The following CACNA2D3 variants were observed in gnomAD, a reference collection of about 807,000 sequenced individuals.
CACNA2D3 encodes the protein calcium voltage-gated channel auxiliary subunit alpha2delta 3, also known as voltage-dependent calcium channel subunit alpha-2/delta-3.
Under a neutral mutation model 160.6 loss-of-function variants are expected in CACNA2D3, and 60 were observed. The ratio of observed to expected loss-of-function variants is 0.37; its 90% confidence interval spans 0.30 to 0.46. The LOEUF is 0.46. Ranked by LOEUF, CACNA2D3 falls within the 20% of genes least tolerant of loss-of-function variation. The pLI, the probability that CACNA2D3 is intolerant of heterozygous loss-of-function variation, is 1.00. For missense variants in CACNA2D3, 1,205 were observed against 1,365.0 expected (o/e 0.88, Z 1.85); for synonymous variants, 558 against 492.9 (o/e 1.13, Z -1.75).
intron 11 of CACNA2D3, among the ~76,000 whole-genome samples, chr3:54,682,161 GCACACACACA>G (rs138753206): frequency 9.0e-5 from 13 of 144,668 alleles, no homozygotes; most frequent in East Asian, 4.1e-4. Flanking sequence ...AAACAGAACA[GCACACACACA>G]CACACACACA....
At chr3:54,627,578 A>G (rs565806072) in intron 9 of CACNA2D3, among the ~76,000 whole-genome samples, 1 of 152,234 alleles carries the variant, frequency 6.6e-6, no homozygotes, top group Non-Finnish European at 1.5e-5. Flanking sequence ...TTTTCTTCCT[A>G]AACTGTAACT....
At chr3:54,656,906 G>A (rs940917400) in intron 11 of CACNA2D3, among the ~76,000 whole-genome samples, 4 of 152,110 alleles carry the variant, frequency 2.6e-5, no homozygotes, top group African/African-American at 9.7e-5. Context: ...AGTTTCATGC[G>A]CGTCCGTGTG....
chr3:54,579,914 T>G (rs758016664), intron 8 of CACNA2D3, among the ~76,000 whole-genome samples: 5 of 152,226 alleles, frequency 3.3e-5, no homozygotes, highest in Non-Finnish European at 7.3e-5. Context: ...CATTGGGATA[T>G]AATTTTTCAA....
chr3:54,953,798 C>A (rs980852121), intron 27 of CACNA2D3, among the ~76,000 whole-genome samples: 3 of 152,114 alleles, frequency 2.0e-5, no homozygotes, highest in Non-Finnish European at 2.9e-5. Context: ...GGGGGGTGCA[C>A]TGCAAGTCAG....
chr3:54,582,040 G>A (rs1341809234), intron 9 of CACNA2D3, among the ~76,000 whole-genome samples, 163 bp downstream of exon 9: 1 of 152,162 alleles, frequency 6.6e-6, no homozygotes, highest in Non-Finnish European at 1.5e-5. Flanking sequence ...GAAAATCATG[G>A]CACTAAAATA....
At chr3:54,456,261 G>C (rs1015547810) in intron 4 of CACNA2D3, among the ~76,000 whole-genome samples, 1 of 151,814 alleles carries the variant, frequency 6.6e-6, no homozygotes, top group Non-Finnish European at 1.5e-5. Flanking sequence ...TCCTTGTAGA[G>C]ATCTTTTGTC....
intron 12 of CACNA2D3, among the ~76,000 whole-genome samples, chr3:54,757,157 A>G (rs993685308): frequency 1.3e-5 from 2 of 152,186 alleles, no homozygotes. Flanking sequence ...GATTTTAAAT[A>G]AGCACTGGCT....
intron 9 of CACNA2D3, among the ~76,000 whole-genome samples, chr3:54,616,571 G>GT (rs1380886961): frequency 1.3e-5 from 2 of 152,194 alleles, no homozygotes; most frequent in African/African-American, 4.8e-5. Flanking sequence ...AAGGGTCTGC[G>GT]TATCAGTGGG....
At chr3:54,449,696 A>G (rs1700275842) in intron 4 of CACNA2D3, among the ~76,000 whole-genome samples, 1 of 152,016 alleles carries the variant, frequency 6.6e-6, no homozygotes. Context: ...ACCTCCACCT[A>G]CCTTTTTGTC....
chr3:54,955,939 A>G (rs924284166), intron 27 of CACNA2D3, among the ~76,000 whole-genome samples: 1 of 152,106 alleles, frequency 6.6e-6, no homozygotes, highest in Non-Finnish European at 1.5e-5. Context: ...GAAGAGAAAA[A>G]ATTGGTATTC....
chr3:55,051,823 G>T (rs370706371), intron 35 of CACNA2D3, among the ~76,000 whole-genome samples: 7 of 152,280 alleles, frequency 4.6e-5, no homozygotes, highest in East Asian at 3.9e-4. Flanking sequence ...CGTTTTTTAA[G>T]CCCGTCGGAA....
intron 2 of CACNA2D3, among the ~76,000 whole-genome samples, chr3:54,255,083 G>C (rs9833146): frequency 0.063 from 9,622 of 152,160 alleles, 951 homozygotes; most frequent in African/African-American, 0.21. Context: ...TGGCTGTTTG[G>C]TTTCTATTGC....
intron 35 of CACNA2D3, among the ~76,000 whole-genome samples, chr3:55,036,212 C>G (rs564858732): frequency 6.6e-6 from 1 of 152,012 alleles, no homozygotes; most frequent in Non-Finnish European, 1.5e-5. Flanking sequence ...TTTGGGAGGC[C>G]AGGGTGGGTA....
intron 2 of CACNA2D3, among the ~76,000 whole-genome samples, chr3:54,292,703 C>T (rs1328273937): frequency 1.3e-5 from 2 of 152,196 alleles, no homozygotes; most frequent in African/African-American, 2.4e-5. Flanking sequence ...GTGGAGGAAT[C>T]AGAACCCTCA....
intron 4 of CACNA2D3, among the ~76,000 whole-genome samples, chr3:54,442,255 T>C (rs1700156780): frequency 2.0e-5 from 3 of 152,214 alleles, no homozygotes; most frequent in Admixed American, 6.5e-5. Context: ...TGAATGCTCA[T>C]GTGGCCTAGT....
In CACNA2D3 at chr3:55,073,512, T is replaced by G; in HGVS notation, c.3055T>G (p.Cys1019Gly). 1 of 1,613,942 alleles carries G rather than the reference T, an allele frequency of 6.2e-7. No individual in the cohort carries two copies. The highest frequency in any genetic ancestry group is 8.5e-7 in the Non-Finnish European group (1 of 1,179,858). The change falls in exon 36 of 38, where the codon TGT becomes GGT. Residue 1019 changes from cysteine (C) to glycine (G), a missense_variant. Physicochemically the swap from Cys to Gly is radical, Grantham distance 159 (BLOSUM62 -3). Around this residue, in one of 3 missense-constraint regions of CACNA2D3, gnomAD observed 911 missense variants for 1,002.2 expected, o/e 0.91. Transcript: ENST00000474759. Reference sequence around the variant, plus strand: ...GGTGGTGGTGGACAGCAGCTGCCTCTGTGAATCTGTGGCCCCCATCACCAT... The same window carrying G: ...GGTGGTGGTGGACAGCAGCTGCCTCGGTGAATCTGTGGCCCCCATCACCAT... ...FMVVVDSSCL[C>G]ESVAPITMAP...
At chr3:54,792,135 T>G (rs188674635) in intron 13 of CACNA2D3, among the ~76,000 whole-genome samples, 35 of 152,340 alleles carry the variant, frequency 2.3e-4, no homozygotes, top group Non-Finnish European at 1.5e-5. Flanking sequence ...GTGTGACACC[T>G]GAGTGTTTTC....
intron 29 of CACNA2D3, among the ~76,000 whole-genome samples, chr3:54,971,160 T>G (rs769070766): frequency 2.0e-5 from 3 of 151,876 alleles, no homozygotes; most frequent in Non-Finnish European, 4.4e-5. Context: ...AGCCCAAGTT[T>G]CTGTGATCAT....
intron 4 of CACNA2D3, among the ~76,000 whole-genome samples, chr3:54,483,790 T>A (rs1700971494): frequency 6.6e-6 from 1 of 152,242 alleles, no homozygotes; most frequent in Non-Finnish European, 1.5e-5. Context: ...ACTTCTCATT[T>A]CTGTAACTTA....
Sources: gnomAD v4.1 joint callset for allele counts (sites outside exome capture counted in the v4.1 genomes callset) on GRCh38, gnomAD v4.1.1 for gene constraint, gnomAD v4.1.1 regional missense constraint, MANE v1.5 for transcripts, NCBI Gene and HGNC (gene_info 2026-07-23, HGNC 2026-07-21) for gene names.